MAML2: variants seen among roughly 807,000 people sequenced by gnomAD.
MAML2 encodes mastermind-like protein 2.
In MAML2, 22 loss-of-function variants were observed where a neutral mutation model predicts 96.1. The observed-to-expected ratio is 0.23, with a 90% CI of 0.16 to 0.33. The LOEUF (loss-of-function observed/expected upper bound fraction) is 0.33. Among genes scored for constraint, MAML2 ranks in the 10% least tolerant of loss-of-function variants. MAML2 has a pLI of 1.00. For missense variants in MAML2, 1,367 were observed against 1,392.4 expected (o/e 0.98, Z 0.29); for synonymous variants, 561 against 521.3 (o/e 1.08, Z -1.04).
intron 2 of MAML2, among the ~76,000 whole-genome samples, chr11:96,007,022 T>G (rs1338604917): frequency 6.7e-6 from 1 of 149,828 alleles, no homozygotes; most frequent in Non-Finnish European, 1.5e-5. Flanking sequence ...ATTATTTTTT[T>G]AGACAGAGTC....
chr11:96,079,881 G>A (rs1859505367), intron 2 of MAML2, among the ~76,000 whole-genome samples: 1 of 152,188 alleles, frequency 6.6e-6, no homozygotes, highest in African/African-American at 2.4e-5. Context: ...AGCAGGCCTA[G>A]GGAACACCCA....
intron 2 of MAML2, among the ~76,000 whole-genome samples, chr11:96,019,722 A>ATAC (rs1233654547): frequency 2.0e-5 from 3 of 149,534 alleles, no homozygotes; most frequent in African/African-American, 4.9e-5. Context: ...AATAATAATA[A>ATAC]TACACATGTA....
intron 2 of MAML2, among the ~76,000 whole-genome samples, chr11:96,043,166 C>T (rs761379184): frequency 2.0e-4 from 30 of 152,274 alleles, no homozygotes; most frequent in Middle Eastern, 6.8e-3. Context: ...TTTATATCAA[C>T]GGAAGGAAGG....
chr11:96,296,520 G>A (rs993123217), intron 1 of MAML2, among the ~76,000 whole-genome samples: 10 of 152,162 alleles, frequency 6.6e-5, no homozygotes, highest in East Asian at 1.9e-4. Flanking sequence ...GTGCATGCCT[G>A]TAATCCCAGC....
intron 1 of MAML2, among the ~76,000 whole-genome samples, chr11:96,141,124 T>A (rs1860724182): frequency 6.6e-6 from 1 of 152,100 alleles, no homozygotes; most frequent in Non-Finnish European, 1.5e-5. Context: ...AGCCTAGGTA[T>A]ATGGGGGAAG....
intron 1 of MAML2, among the ~76,000 whole-genome samples, chr11:96,219,542 G>T (rs557842430): frequency 6.2e-4 from 95 of 152,296 alleles, no homozygotes; most frequent in African/African-American, 2.1e-3. Flanking sequence ...GAGCCTAGGA[G>T]TCAGACCAAT....
At chr11:95,994,924 T>TTC (rs1449030745) in intron 2 of MAML2, among the ~76,000 whole-genome samples, 3 of 152,144 alleles carry the variant, frequency 2.0e-5, no homozygotes, top group Non-Finnish European at 4.4e-5. Flanking sequence ...TGACACTTAG[T>TTC]TGTGTGATGT....
In MAML2 at chr11:96,077,219, C is replaced by CTTTTTTTTTT. The variant is rs371672772; in HGVS notation, c.2139+14663_2139+14672dup. ...GACTTTTTACCCCAACTCTCTCTCT[C>CTTTTTTTTTT]TTTTTTTTTTTTTTTTTTTTAAAGA... On this transcript the variant is annotated intron_variant, in intron 2 of 4. Coordinates refer to ENST00000524717, the MANE Select transcript of MAML2 (RefSeq NM_032427.4). Among the ~76,000 whole-genome samples, 71 of 94,126 alleles carry CTTTTTTTTTT rather than the reference C, an allele frequency of 7.5e-4. 8 individuals are homozygous for CTTTTTTTTTT. Among genetic ancestry groups the CTTTTTTTTTT allele is most frequent in the African/African-American group, 2.7e-3 (62 of 22,832 alleles). The allele number at this position is 94,126 out of a possible 152,430, so 61.8% of individuals were successfully genotyped here.
intron 1 of MAML2, among the ~76,000 whole-genome samples, chr11:96,193,594 A>G (rs4753743): frequency 0.27 from 41,084 of 152,160 alleles, 5,847 homozygotes; most frequent in Non-Finnish European, 0.32. Context: ...TGTGATTCAA[A>G]AAGACAAATT....
At chr11:96,112,431 G>A (rs868833190) in intron 1 of MAML2, among the ~76,000 whole-genome samples, 10 of 152,258 alleles carry the variant, frequency 6.6e-5, no homozygotes, top group South Asian at 2.1e-4. Context: ...GCAGGGCTCC[G>A]CCCAAGAACC....
At chr11:96,110,712 C>CA (rs1860104621) in intron 1 of MAML2, among the ~76,000 whole-genome samples, 1 of 151,216 alleles carries the variant, frequency 6.6e-6, no homozygotes, top group Non-Finnish European at 1.5e-5. Flanking sequence ...ATTTAAGGAA[C>CA]AACAAAAAAA....
At chr11:96,125,650 T>C (rs1860427132) in intron 1 of MAML2, among the ~76,000 whole-genome samples, 1 of 152,194 alleles carries the variant, frequency 6.6e-6, no homozygotes, top group Non-Finnish European at 1.5e-5. Context: ...GTTCGTGTTA[T>C]TTATGATCCA....
chr11:96,009,688 G>C (rs866083228), intron 2 of MAML2, among the ~76,000 whole-genome samples: 2 of 152,270 alleles, frequency 1.3e-5, no homozygotes, highest in Admixed American at 6.5e-5. Context: ...GCCAGGAAAA[G>C]CACAGTTATT....
At chr11:96,234,847 T>G (rs1862345798) in intron 1 of MAML2, among the ~76,000 whole-genome samples, 2 of 152,232 alleles carry the variant, frequency 1.3e-5, no homozygotes, top group South Asian at 4.1e-4. Context: ...AGATACGTAC[T>G]TAAATTTTTT....
intron 1 of MAML2, among the ~76,000 whole-genome samples, chr11:96,114,640 C>T (rs1401142572): frequency 6.6e-6 from 1 of 152,192 alleles, no homozygotes; most frequent in Non-Finnish European, 1.5e-5. Context: ...TAAAGTTTCA[C>T]CAGAGAGGCT....
chr11:96,071,339 G>A (rs142820753), intron 2 of MAML2, among the ~76,000 whole-genome samples: 1 of 152,388 alleles, frequency 6.6e-6, no homozygotes, highest in Non-Finnish European at 1.5e-5. Flanking sequence ...CTGGCTGTAT[G>A]TGACCTAGCA....
At chr11:96,111,930 C>T (rs965893409) in intron 1 of MAML2, among the ~76,000 whole-genome samples, 2 of 127,976 alleles carry the variant, frequency 1.6e-5, no homozygotes, top group Non-Finnish European at 3.2e-5. Context: ...TGTCCATTCA[C>T]AAGGTTAGTT....
At chr11:96,301,994 C>G (rs1201613391) in intron 1 of MAML2, among the ~76,000 whole-genome samples, 1 of 152,180 alleles carries the variant, frequency 6.6e-6, no homozygotes, top group Non-Finnish European at 1.5e-5. Context: ...GCTTAATAAG[C>G]ACTTTTTGTG....
In MAML2 at chr11:96,141,893, C is replaced by T. The variant is rs774967672; in HGVS notation, c.514-48376G>A. Among the ~76,000 whole-genome samples, 146 of 152,170 alleles carry T rather than the reference C, an allele frequency of 9.6e-4. 1 individual carries two copies. Among genetic ancestry groups the T allele is most frequent in the Non-Finnish European group, 1.2e-3 (79 of 68,034 alleles). ...ACAGGGCTGTCTCTGCAGGTGCTAG[C>T]GGGACGCATCACCACAGCAATCTGA... On this transcript the variant is annotated intron_variant, in intron 1 of 4. Coordinates refer to ENST00000524717, the MANE Select transcript of MAML2 (RefSeq NM_032427.4).
Sources: gnomAD v4.1 joint callset for allele counts (sites outside exome capture counted in the v4.1 genomes callset) on GRCh38, gnomAD v4.1.1 for gene constraint, MANE v1.5 for transcripts, NCBI Gene and HGNC (gene_info 2026-07-23, HGNC 2026-07-21) for gene names.